The following PCBP3 variants were observed in gnomAD, a reference collection of about 807,000 sequenced individuals.
PCBP3 encodes the protein poly(rC)-binding protein 3.
A neutral mutation model predicts 52.7 loss-of-function variants in PCBP3; 25 were observed. That is an observed-to-expected ratio of 0.47 (90% CI 0.35 to 0.66). The LOEUF is 0.66. PCBP3 is among the 30% of genes least tolerant of loss of function. The pLI is 0.01. For missense variants in PCBP3, 391 were observed against 490.3 expected (o/e 0.80, Z 1.91); for synonymous variants, 162 against 183.0 (o/e 0.89, Z 0.93).
chr21:45,897,832 C>CATG (rs1367247654), intron 6 of PCBP3, among the ~76,000 whole-genome samples: 1 of 152,184 alleles, frequency 6.6e-6, no homozygotes, highest in African/African-American at 2.4e-5. Context: ...AGAACACTTC[C>CATG]TTCCATGTTC....
chr21:45,849,352 C>G (rs949994726), intron 4 of PCBP3, among the ~76,000 whole-genome samples: 11 of 152,042 alleles, frequency 7.2e-5, no homozygotes, highest in Admixed American at 1.3e-4. Context: ...ATTACAGGTG[C>G]CCGCCACCAC....
Position 45,790,414 on chromosome 21 carries a change from G to A in PCBP3, c.-126+34962G>A, listed in dbSNP as rs141853312. Among the ~76,000 whole-genome samples, 53 of 152,282 alleles carry A rather than the reference G, an allele frequency of 3.5e-4. 1 individual carries two copies. Among genetic ancestry groups the A allele is most frequent in the African/African-American group, 1.2e-3 (49 of 41,570 alleles). The stretch of plus-strand genomic sequence containing the variant: ...TCGAGGGCAGCCAAGGTGGGACGCC[G>A]TGCCATTCAGGCAGAGCAGTGAGCA... On this transcript the variant is annotated intron_variant, in intron 4 of 17. Transcript: ENST00000681687.
intron 5 of PCBP3, among the ~76,000 whole-genome samples, chr21:45,867,777 C>A (rs557693977): frequency 6.6e-6 from 1 of 152,276 alleles, no homozygotes; most frequent in African/African-American, 2.4e-5. Flanking sequence ...CTGGACGCAG[C>A]GTCTTCCTTC....
intron 2 of PCBP3, among the ~76,000 whole-genome samples, chr21:45,701,701 C>T (rs531277627): frequency 4.4e-4 from 67 of 152,226 alleles, no homozygotes; most frequent in African/African-American, 1.3e-3. Flanking sequence ...GCTGGGATTA[C>T]GGGTGTGCGC....
intron 1 of PCBP3, among the ~76,000 whole-genome samples, chr21:45,651,818 A>G (rs1182377198): frequency 6.6e-6 from 1 of 152,214 alleles, no homozygotes; most frequent in African/African-American, 2.4e-5. Flanking sequence ...CTATTTTCCA[A>G]CATTTCTAAA....
chr21:45,655,193 A>T (rs1391719476), intron 1 of PCBP3, among the ~76,000 whole-genome samples: 2 of 152,104 alleles, frequency 1.3e-5, no homozygotes, highest in African/African-American at 4.8e-5. Context: ...ATATGAATAT[A>T]TGTTTTCACT....
chr21:45,740,708 G>C (rs1488303603), intron 3 of PCBP3, among the ~76,000 whole-genome samples: 2 of 151,766 alleles, frequency 1.3e-5, no homozygotes, highest in African/African-American at 4.8e-5. Flanking sequence ...TGTGTGTGCA[G>C]GTGAGTGTGT....
At chr21:45,671,090 G>A (rs2081141633) in intron 2 of PCBP3, among the ~76,000 whole-genome samples, 1 of 152,206 alleles carries the variant, frequency 6.6e-6, no homozygotes, top group Non-Finnish European at 1.5e-5. Context: ...ATCCAGTGAT[G>A]GGGTTCTATC....
chr21:45,892,974 T>G, intron 5 of PCBP3, among the ~76,000 whole-genome samples: 1 of 150,408 alleles, frequency 6.6e-6, no homozygotes, highest in Non-Finnish European at 1.5e-5. Flanking sequence ...GAGGGAGTGC[T>G]GGAGAGGGGA....
chr21:45,675,634 T>C (rs899451979), intron 2 of PCBP3, among the ~76,000 whole-genome samples: 1 of 152,176 alleles, frequency 6.6e-6, no homozygotes, highest in Non-Finnish European at 1.5e-5. Flanking sequence ...TTTTCACCTC[T>C]TTTTTTATGC....
intron 4 of PCBP3, among the ~76,000 whole-genome samples, chr21:45,839,946 C>G (rs909975088): frequency 2.6e-5 from 4 of 152,044 alleles, no homozygotes; most frequent in African/African-American, 9.7e-5. Context: ...CTCGGCCTCC[C>G]AAAGTGCTGG....
At chr21:45,671,136 T>G (rs2081145079) in intron 2 of PCBP3, among the ~76,000 whole-genome samples, 1 of 152,182 alleles carries the variant, frequency 6.6e-6, no homozygotes, top group Admixed American at 6.5e-5. Context: ...GTGTTGTTTG[T>G]GGTTGACAGT....
rs1174609647 is a variant in PCBP3, at chr21:45,741,815, C to T, written c.-162+6386C>T. Among the ~76,000 whole-genome samples the T allele has an allele frequency of 2.6e-5, 4 of 152,128 alleles. No individual in the cohort carries two copies. Among genetic ancestry groups the T allele is most frequent in the Non-Finnish European group, 5.9e-5 (4 of 68,012 alleles). On this transcript the variant is annotated intron_variant, in intron 3 of 17. Transcript: ENST00000681687. The surrounding 1 kb of genome is among the most constrained non-coding windows in gnomAD (Gnocchi z 4.5). ...TCTGGTCCTCTCCACTTCAGAGGCC[C>T]GGCCTCTGGCTTGGTGAATCTGAGG...
At chr21:45,781,690 A>G (rs947007269) in intron 4 of PCBP3, among the ~76,000 whole-genome samples, 2 of 152,238 alleles carry the variant, frequency 1.3e-5, no homozygotes, top group Non-Finnish European at 2.9e-5. Context: ...ATCTGTAGCA[A>G]TTTGTTCATA....
intron 3 of PCBP3, among the ~76,000 whole-genome samples, chr21:45,740,852 G>A (rs2086391525): frequency 1.3e-5 from 2 of 152,184 alleles, no homozygotes; most frequent in Non-Finnish European, 2.9e-5. Context: ...GTGCCCCCAC[G>A]TCTTGGGAAT....
intron 10 of PCBP3, among the ~76,000 whole-genome samples, chr21:45,909,859 CACTGCCCAGATACGGACCCGGCCA>C (rs2096311920): frequency 9.8e-6 from 1 of 102,176 alleles, no homozygotes; most frequent in Non-Finnish European, 2.0e-5. Context: ...CCTGGCCACC[CACTGCCCAGATACGGACCCGGCCA>C]CCCACTGCCC....
chr21:45,828,092 A>C (rs995776970), intron 4 of PCBP3: 2 of 152,340 alleles, frequency 1.3e-5, no homozygotes, highest in Non-Finnish European at 1.5e-5. Context: ...CAGTGAGAGC[A>C]CAGACAACCA....
In PCBP3 at chr21:45,687,695, A is replaced by G. The variant is rs567049093; in HGVS notation, c.-200+18743A>G. ...AGAAGAAAAAGGATGAAAAAGATAT[A>G]CCATGCAAAGACTAATCGGAGATAA... On this transcript the variant is annotated intron_variant, in intron 2 of 17. Coordinates refer to ENST00000681687, the MANE Select transcript of PCBP3 (RefSeq NM_001384156.1). 1.2e-4 allele frequency among the ~76,000 whole-genome samples: 18 copies of G among 152,092 alleles called. 1 individual carries two copies. In the South Asian group the frequency reaches 3.7e-3, roughly 32 times the overall value.
chr21:45,936,437 G>A (rs2076900874), intron 16 of PCBP3, among the ~76,000 whole-genome samples: 1 of 152,232 alleles, frequency 6.6e-6, no homozygotes, highest in African/African-American at 2.4e-5. Flanking sequence ...ACTCCAGGCA[G>A]CATTGTGGTC....
Sources: gnomAD v4.1 joint callset for allele counts (sites outside exome capture counted in the v4.1 genomes callset) on GRCh38, gnomAD v4.1.1 for gene constraint, Gnocchi (gnomAD v3.1) non-coding constraint, MANE v1.5 for transcripts, NCBI Gene and HGNC (gene_info 2026-07-23, HGNC 2026-07-21) for gene names.